The following DGKZ variants were observed in gnomAD, a reference collection of about 807,000 sequenced individuals.
DGKZ encodes the protein diacylglycerol kinase zeta.
A neutral mutation model predicts 142.5 loss-of-function variants in DGKZ; 45 were observed. The observed-to-expected ratio is 0.32, with a 90% CI of 0.25 to 0.40. DGKZ has a LOEUF of 0.40. DGKZ is among the 10% of genes least tolerant of loss of function. The probability of loss-of-function intolerance (pLI) is 1.00; values close to 1 mark genes in which losing one functional copy is unlikely to be tolerated. For synonymous variants in DGKZ, 442 were observed against 527.0 expected (o/e 0.84, Z 2.21); for missense variants, 755 against 1,306.5 (o/e 0.58, Z 6.51).
intron 1 of DGKZ, among the ~76,000 whole-genome samples, chr11:46,363,798 G>A (rs1343895029): frequency 1.3e-5 from 2 of 152,248 alleles, no homozygotes; most frequent in African/African-American, 4.8e-5. Flanking sequence ...CTGACACCCT[G>A]GGGAGGGCTG....
chr11:46,343,051 G>C (rs1940353287), upstream of DGKZ, among the ~76,000 whole-genome samples: 2 of 151,936 alleles, frequency 1.3e-5, no homozygotes, highest in Admixed American at 6.6e-5. Context: ...TTGAACCTGG[G>C]AGGCAGAGGA....
At chr11:46,345,581 A>G, upstream of DGKZ, 1 of 1,524,752 alleles carries the variant, frequency 6.6e-7, no homozygotes. The surrounding 1 kb of genome is among the most constrained non-coding windows in gnomAD (Gnocchi z 4.1). Context: ...GGCACCCCAG[A>G]CACAGTAGGT....
At chr11:46,355,605 G>A (rs1941927308) in intron 1 of DGKZ, among the ~76,000 whole-genome samples, 1 of 152,166 alleles carries the variant, frequency 6.6e-6, no homozygotes, top group African/African-American at 2.4e-5. Context: ...AGATCCTCTG[G>A]GCCTTTGAAG....
intron 1 of DGKZ, among the ~76,000 whole-genome samples, chr11:46,358,452 A>G (rs116590500): frequency 1.6e-3 from 251 of 152,296 alleles, no homozygotes; most frequent in African/African-American, 5.8e-3. Flanking sequence ...GACACCTGAT[A>G]GACAAACTAG....
At chr11:46,333,144 C>T in exon 1 of DGKZ, 2 of 766,316 alleles carry the variant, frequency 2.6e-6, no homozygotes, top group Non-Finnish European at 3.5e-6. Context: ...GCGTCGGCGT[C>T]GCTAGGGACC....
At chr11:46,366,116 C>A (rs1943213817) in intron 1 of DGKZ, 1 of 1,397,888 alleles carries the variant, frequency 7.2e-7, no homozygotes, top group South Asian at 1.6e-5. Flanking sequence ...TCTCATGGGG[C>A]AGAGGCTGTG....
intron 1 of DGKZ, among the ~76,000 whole-genome samples, chr11:46,349,336 C>T (rs1034255835): frequency 2.6e-5 from 4 of 152,152 alleles, no homozygotes; most frequent in Non-Finnish European, 5.9e-5. Flanking sequence ...ACAGGCTCCG[C>T]AGGGGGAGGG....
chr11:46,350,332 A>G (rs903062137), intron 1 of DGKZ, among the ~76,000 whole-genome samples: 3 of 152,130 alleles, frequency 2.0e-5, no homozygotes, highest in Non-Finnish European at 2.9e-5. Flanking sequence ...GCCCCCTCCA[A>G]TGCTGCTTGG....
upstream of DGKZ, chr11:46,345,618 G>A: frequency 6.8e-7 from 1 of 1,480,076 alleles, no homozygotes; most frequent in Non-Finnish European, 8.9e-7. The surrounding 1 kb of genome is among the most constrained non-coding windows in gnomAD (Gnocchi z 4.1). Flanking sequence ...GAGTGGGCAT[G>A]GGACCTCTGT....
intron 4 of DGKZ, chr11:46,368,833 A>AG (rs141477783): frequency 0.02 from 3,388 of 166,602 alleles, 121 homozygotes; most frequent in African/African-American, 0.077. Context: ...AAAGGTCTCC[A>AG]GGGGCCAGGC....
chr11:46,373,250 C>T (rs1164088037), intron 14 of DGKZ, 149 bp downstream of exon 14: 3 of 745,048 alleles, frequency 4.0e-6, no homozygotes, highest in Non-Finnish European at 5.8e-6. Flanking sequence ...TAGTACTTGC[C>T]TCACAAGATG....
At chr11:46,358,937 G>C (rs900490862) in intron 1 of DGKZ, among the ~76,000 whole-genome samples, 24 of 152,170 alleles carry the variant, frequency 1.6e-4, no homozygotes, top group Admixed American at 3.3e-4. Flanking sequence ...GAGGTCAGGA[G>C]TTTGAGAGCA....
chr11:46,367,444 G>C lies in DGKZ; in HGVS notation c.270+45G>C. 2 of 1,593,380 alleles carry C rather than the reference G, an allele frequency of 1.3e-6. No individual in the cohort carries two copies. Among genetic ancestry groups the C allele is most frequent in the Admixed American group, 1.7e-5 (1 of 59,046 alleles). On this transcript the variant is annotated intron_variant, in intron 2 of 30. Coordinates refer to ENST00000527911, the Ensembl canonical transcript of DGKZ. This position sits in a 1 kb window ranked among gnomAD's most constrained non-coding sequence, Gnocchi z 4.1. ...TGGGTCCCAGACCCTCTGGGCTCTT[G>C]GCCAAGGCGCAGCTGGCGGGTGGAG...
At chr11:46,370,098 C>T in intron 6 of DGKZ, 89 bp downstream of exon 6, 1 of 1,533,770 alleles carries the variant, frequency 6.5e-7, no homozygotes, top group Non-Finnish European at 9.0e-7. Context: ...GATCACTGAC[C>T]ACACCCTGGT....
Position 46,367,893 on chromosome 11 carries a change from G to A in DGKZ, c.367-109G>A. On this transcript the variant is annotated intron_variant, in intron 3 of 30. Coordinates refer to ENST00000527911, the Ensembl canonical transcript of DGKZ. The surrounding 1 kb of genome is among the most constrained non-coding windows in gnomAD (Gnocchi z 4.1). ...AGGGGTGCAGGGGCTTTGTCCGGAT[G>A]CCAGGACTGGGGCTTCCCAGTGCAC... 3 of 1,520,294 alleles carry A rather than the reference G, an allele frequency of 2.0e-6. No individual in the cohort carries two copies. The highest frequency in any genetic ancestry group is 2.7e-6 in the Non-Finnish European group (3 of 1,097,146). The allele number at this position is 1,520,294 out of a possible 1,614,324, so 94.2% of individuals were successfully genotyped here. A position where few individuals can be genotyped will look rare whatever the true frequency, so the allele number is the denominator to read the frequency against.
upstream of DGKZ, chr11:46,345,357 C>G: frequency 7.2e-7 from 1 of 1,393,690 alleles, no homozygotes; most frequent in Non-Finnish European, 9.2e-7. The surrounding 1 kb of genome is among the most constrained non-coding windows in gnomAD (Gnocchi z 4.1). Flanking sequence ...GCCCCCCCCT[C>G]GACCCCACCC....
chr11:46,360,945 C>A (rs1454703578), intron 1 of DGKZ, among the ~76,000 whole-genome samples: 1 of 152,174 alleles, frequency 6.6e-6, no homozygotes, highest in Non-Finnish European at 1.5e-5. Context: ...CGTTCCTTAG[C>A]TTGGCAGAGC....
At chr11:46,333,490 A>C (rs1230501269) in intron 1 of DGKZ, 2 of 1,542,124 alleles carry the variant, frequency 1.3e-6, no homozygotes. Context: ...TCTTACAGGT[A>C]AGGAGGACGT....
intron 18 of DGKZ, 36 bp from the exon 19 acceptor site, chr11:46,374,896 CTG>C (rs764978796): frequency 6.4e-6 from 10 of 1,572,870 alleles, no homozygotes; most frequent in South Asian, 1.2e-5. Context: ...CCTGCAGAGA[CTG>C]TGTTTTGAGG....
Sources: allele counts gnomAD v4.1 joint callset (sites outside exome capture counted in the v4.1 genomes callset), GRCh38; gene constraint gnomAD v4.1.1; non-coding constraint Gnocchi (gnomAD v3.1); transcripts MANE v1.5; gene names NCBI Gene and HGNC (gene_info 2026-07-23, HGNC 2026-07-21).